Variants in ERBB4 observed in about 807,000 individuals in gnomAD.
ERBB4 encodes receptor tyrosine-protein kinase erbB-4.
In ERBB4, 42 loss-of-function variants were observed where a neutral mutation model predicts 158.0. That is an observed-to-expected ratio of 0.27 (90% CI 0.21 to 0.34). The LOEUF (loss-of-function observed/expected upper bound fraction) is 0.34. Ranked by LOEUF, ERBB4 falls within the 10% of genes least tolerant of loss-of-function variation. ERBB4 has a pLI of 1.00. For synonymous variants in ERBB4, 583 were observed against 558.7 expected (o/e 1.04, Z -0.61); for missense variants, 1,333 against 1,624.1 (o/e 0.82, Z 3.08).
At chr2:211,579,887 A>T (rs2068015566) in intron 19 of ERBB4, among the ~76,000 whole-genome samples, 1 of 152,154 alleles carries the variant, frequency 6.6e-6, no homozygotes, top group Non-Finnish European at 1.5e-5. Context: ...TAGGTGCAGC[A>T]AACCACCATG....
intron 2 of ERBB4, among the ~76,000 whole-genome samples, chr2:211,978,396 G>GTCTATCTA (rs151243480): frequency 0.084 from 11,443 of 136,284 alleles, 601 homozygotes; most frequent in South Asian, 0.14. Context: ...CTGTCTGTCT[G>GTCTATCTA]TCTATCTATC....
chr2:212,304,662 AAG>A (rs1212812267), intron 1 of ERBB4, among the ~76,000 whole-genome samples: 3 of 151,628 alleles, frequency 2.0e-5, no homozygotes, highest in African/African-American at 7.2e-5. Context: ...ATGATGCCAC[AAG>A]GGTGGAAGGT....
chr2:212,435,514 C>T (rs185029273), intron 1 of ERBB4, among the ~76,000 whole-genome samples: 10 of 152,040 alleles, frequency 6.6e-5, no homozygotes, highest in Non-Finnish European at 1.5e-4. Context: ...CAAAAGACTC[C>T]TGTTTATAAG....
intron 2 of ERBB4, among the ~76,000 whole-genome samples, chr2:212,074,804 G>A (rs993767150): frequency 1.3e-5 from 2 of 151,936 alleles, no homozygotes; most frequent in Non-Finnish European, 2.9e-5. Flanking sequence ...ACAGCTAGTA[G>A]GTCATTGTAA....
intron 1 of ERBB4, among the ~76,000 whole-genome samples, chr2:212,185,021 C>CTTTTTTTTTTTCTTTTTTTTTTTT (rs1553584050): frequency 7.5e-6 from 1 of 132,514 alleles, no homozygotes; most frequent in African/African-American, 2.8e-5. Flanking sequence ...ACTTTTTTTT[C>CTTTTTTTTTTTCTTTTTTTTTTTT]TTTTTTTTTT....
At chr2:211,422,252 A>G in intron 23 of ERBB4, 148 bp from the exon 24 acceptor site, 1 of 670,304 alleles carries the variant, frequency 1.5e-6, no homozygotes, top group Non-Finnish European at 2.7e-6. Context: ...GAAAGAAACG[A>G]CTCAATTGGT....
chr2:211,412,178 A>G (rs2063276601), intron 25 of ERBB4, among the ~76,000 whole-genome samples: 2 of 152,164 alleles, frequency 1.3e-5, no homozygotes, highest in South Asian at 4.1e-4. Context: ...CCATCCTAAC[A>G]TTGACAGAAA....
At position 212,116,204 on chromosome 2, in the gene ERBB4, C is replaced by T. The variant is rs979417076; in HGVS notation, c.234+8548G>A. Among the ~76,000 whole-genome samples, 11 of 151,478 alleles carry T rather than the reference C, an allele frequency of 7.3e-5. No homozygotes were observed. In the South Asian group the frequency reaches 2.3e-3, roughly 32 times the overall value. ...TAGATATAAATGGTCACTATATTTA[C>T]AATATTTGTATATACTATACTTATA... is the stretch of plus-strand genomic sequence containing the variant. On this transcript the variant is annotated intron_variant, in intron 2 of 27. Transcript: ENST00000342788.
Position 212,434,558 on chromosome 2 carries a change from G to A in ERBB4, c.82+103891C>T, listed in dbSNP as rs192010076. Among the ~76,000 whole-genome samples the A allele has an allele frequency of 3.1e-3, 473 of 151,916 alleles. 3 individuals carry two copies. Among genetic ancestry groups the A allele is most frequent in the African/African-American group, 0.011 (449 of 41,500 alleles). ...AAATAACTACACTGCTTTTTACCACGACTTGGAATCCACAGAGTCAAGAGA... is the reference window on the plus strand; with the variant it reads ...AAATAACTACACTGCTTTTTACCACAACTTGGAATCCACAGAGTCAAGAGA... On this transcript the variant is annotated intron_variant, in intron 1 of 27. Transcript: ENST00000342788.
At chr2:211,587,495 G>A (rs997280877) in intron 19 of ERBB4, among the ~76,000 whole-genome samples, 7 of 152,118 alleles carry the variant, frequency 4.6e-5, no homozygotes, top group East Asian at 1.9e-4. Flanking sequence ...GCAGCGATGC[G>A]GCCTACAAGC....
intron 1 of ERBB4, among the ~76,000 whole-genome samples, chr2:212,248,794 G>GA (rs151246848): frequency 6.6e-4 from 96 of 145,894 alleles, no homozygotes; most frequent in East Asian, 1.6e-3. Context: ...TGATTCTTAG[G>GA]AAAAAAAAAA....
Position 211,396,392 on chromosome 2 carries a change from A to G in ERBB4, c.3136-8400T>C, listed in dbSNP as rs576408152. On this transcript the variant is annotated intron_variant, in intron 25 of 27. Transcript: ENST00000342788. ...GAGTGATGTTCACTAAAAAAAAACC[A>G]TGTATAAGAGTTCTACTTAGAAATA... 2.4e-3 allele frequency among the ~76,000 whole-genome samples: 368 copies of G among 152,234 alleles called. 1 individual carries two copies. The highest frequency in any genetic ancestry group is 4.6e-3 in the Non-Finnish European group (310 of 68,000).
intron 5 of ERBB4, among the ~76,000 whole-genome samples, chr2:211,749,543 T>G (rs2075068074): frequency 6.6e-6 from 1 of 152,198 alleles, no homozygotes; most frequent in Non-Finnish European, 1.5e-5. Context: ...CCTTATAATC[T>G]TTTCCATTTC....
At chr2:211,668,631 C>G (rs1410029045) in intron 14 of ERBB4, among the ~76,000 whole-genome samples, 1 of 151,930 alleles carries the variant, frequency 6.6e-6, no homozygotes, top group Non-Finnish European at 1.5e-5. Context: ...TCTCTGGTAG[C>G]TACTGTAAAA....
intron 20 of ERBB4, among the ~76,000 whole-genome samples, chr2:211,530,088 C>T (rs2066455021): frequency 6.6e-6 from 1 of 151,978 alleles, no homozygotes; most frequent in South Asian, 2.1e-4. Context: ...AATCTCATAC[C>T]TAGAAAAACC....
At chr2:212,011,361 T>C (rs1193024592) in intron 2 of ERBB4, among the ~76,000 whole-genome samples, 1 of 152,150 alleles carries the variant, frequency 6.6e-6, no homozygotes. Context: ...ATGTGTTTAG[T>C]GGCCACAGTA....
rs2080533377 is a variant in ERBB4, at chr2:212,142,925, T to A, written c.83-18022A>T. Among the ~76,000 whole-genome samples, 3 of 151,928 alleles carry A rather than the reference T, an allele frequency of 2.0e-5. No individual in the cohort carries two copies. The South Asian group carries it at 6.2e-4, about 31-fold the overall frequency. ...GCCTATGTAATTGGAAAATAGATGT[T>A]TAGGAACATCTTTTTTTTTTTTCAA... is the stretch of plus-strand genomic sequence containing the variant. On this transcript the variant is annotated intron_variant, in intron 1 of 27. Coordinates refer to ENST00000342788, the MANE Select transcript of ERBB4 (RefSeq NM_005235.3).
chr2:211,667,021 C>T (rs2105923694), intron 14 of ERBB4, among the ~76,000 whole-genome samples: 1 of 151,928 alleles, frequency 6.6e-6, no homozygotes. Flanking sequence ...TTTTGGCTTC[C>T]CTGGGTCACA....
intron 1 of ERBB4, among the ~76,000 whole-genome samples, chr2:212,420,376 T>A (rs994040117): frequency 2.0e-5 from 3 of 152,108 alleles, no homozygotes; most frequent in African/African-American, 7.2e-5. Context: ...AATTGAAATC[T>A]TAGGTCACAT....
Sources: gnomAD v4.1 joint callset for allele counts (sites outside exome capture counted in the v4.1 genomes callset) on GRCh38, gnomAD v4.1.1 for gene constraint, MANE v1.5 for transcripts, NCBI Gene and HGNC (gene_info 2026-07-23, HGNC 2026-07-21) for gene names.